VPS35L: variants seen among roughly 807,000 people sequenced by gnomAD.
VPS35L encodes VPS35 endosomal protein sorting factor like.
VPS35L carries 83 observed loss-of-function variants against 133.0 expected under a neutral mutation model. The observed-to-expected ratio is 0.62, with a 90% CI of 0.52 to 0.75. The LOEUF (loss-of-function observed/expected upper bound fraction) is 0.75. Ranked by LOEUF, VPS35L falls within the 30% of genes least tolerant of loss-of-function variation. The pLI, the probability that VPS35L is intolerant of heterozygous loss-of-function variation, is 0.00. For synonymous variants in VPS35L, 423 were observed against 449.9 expected (o/e 0.94, Z 0.76); for missense variants, 1,083 against 1,206.8 (o/e 0.90, Z 1.52).
At chr16:19,561,482 C>T (rs1265607554) in intron 1 of VPS35L, among the ~76,000 whole-genome samples, 1 of 152,214 alleles carries the variant, frequency 6.6e-6, no homozygotes, top group Non-Finnish European at 1.5e-5. Flanking sequence ...AATGAAATGA[C>T]ATGGGAGCTC....
intron 19 of VPS35L, among the ~76,000 whole-genome samples, chr16:19,635,273 A>G (rs770099504): frequency 2.0e-5 from 3 of 152,190 alleles, no homozygotes; most frequent in Admixed American, 2.0e-4. Flanking sequence ...GTTTGAGCCC[A>G]GGAGTTAGAG....
intron 1 of VPS35L, among the ~76,000 whole-genome samples, chr16:19,561,135 C>T (rs1395904851): frequency 4.6e-5 from 7 of 151,990 alleles, no homozygotes; most frequent in Admixed American, 6.6e-5. Flanking sequence ...TTTGGGAGGC[C>T]GAGGTGGGCA....
intron 4 of VPS35L, among the ~76,000 whole-genome samples, chr16:19,573,818 A>C (rs911545142): frequency 6.6e-6 from 1 of 152,156 alleles, no homozygotes; most frequent in Non-Finnish European, 1.5e-5. Context: ...ATCTCAAAAA[A>C]AATTAATTAA....
chr16:19,600,715 G>T (rs1972355978), intron 8 of VPS35L, among the ~76,000 whole-genome samples: 1 of 152,172 alleles, frequency 6.6e-6, no homozygotes, highest in Admixed American at 6.6e-5. Context: ...TAGGGACCAG[G>T]CAGGTCACAT....
At chr16:19,563,571 C>T (rs1160358662) in intron 1 of VPS35L, among the ~76,000 whole-genome samples, 8 of 152,156 alleles carry the variant, frequency 5.3e-5, no homozygotes, top group Non-Finnish European at 1.2e-4. Flanking sequence ...CTTCTCTTCA[C>T]GTTGCTTGTG....
rs1304476506 is a variant in VPS35L, at chr16:19,624,598, C to A, written c.1225-1579C>A. On this transcript the variant is annotated intron_variant, in intron 14 of 30. Coordinates refer to ENST00000417362, the MANE Select transcript of VPS35L (RefSeq NM_020314.7). ...AGACTCGTCTCTCTGTCTCAAAAAA[C>A]AAACAAACAAACAAACAAAAATACT... 2.7e-5 allele frequency among the ~76,000 whole-genome samples: 4 copies of A among 149,584 alleles called. No homozygotes were observed. In the East Asian group the frequency reaches 7.9e-4, roughly 30 times the overall value.
At chr16:19,692,260 C>A (rs1462840230) in intron 29 of VPS35L, among the ~76,000 whole-genome samples, 3 of 152,164 alleles carry the variant, frequency 2.0e-5, no homozygotes, top group African/African-American at 7.2e-5. Flanking sequence ...CTGCACCACC[C>A]CACGTCTCAT....
At chr16:19,662,117 T>C (rs1445230365) in intron 26 of VPS35L, among the ~76,000 whole-genome samples, 9 of 152,094 alleles carry the variant, frequency 5.9e-5, no homozygotes, top group Non-Finnish European at 1.3e-4. Flanking sequence ...GTGGGAGGGT[T>C]GCTCGAGCCC....
intron 4 of VPS35L, 193 bp downstream of exon 4, chr16:19,573,434 C>A: frequency 3.6e-6 from 2 of 554,784 alleles, no homozygotes; most frequent in Non-Finnish European, 5.9e-6. Context: ...GACAGGTTTC[C>A]CAAAAAAAAA....
chr16:19,636,099 T>C (rs1973614760), intron 19 of VPS35L, among the ~76,000 whole-genome samples: 2 of 150,872 alleles, frequency 1.3e-5, no homozygotes, highest in African/African-American at 4.8e-5. Context: ...GGCAGGAGGA[T>C]TGCTTGAGCC....
rs780338929 is a variant in VPS35L at position 19,647,839 on chromosome 16, C to T, written c.1985C>T (p.Ser662Leu). Residue 662 changes from serine to leucine, a missense_variant, in exon 24 of 31, where the codon TCG (serine) becomes TTG (leucine). By Grantham distance (145) the Ser-to-Leu change is moderately radical (BLOSUM62 -2). Coordinates refer to ENST00000417362, the MANE Select transcript of VPS35L (RefSeq NM_020314.7). The part of the protein sequence containing the change: ...QQLSFYVESR[S>L]MFCNLEPVLV... ...CTGAGTTTTTATGTTGAGTCCAGGT[C>T]GATGTTTTGCAATCTGGAGCCTGTT... 6.8e-6 allele frequency: 11 copies of T among 1,613,966 alleles called. No individual in the cohort carries two copies. Among genetic ancestry groups the T allele is most frequent in the South Asian group, 6.6e-5 (6 of 91,060 alleles).
At chr16:19,682,921 T>C (rs1214901994) in intron 28 of VPS35L, among the ~76,000 whole-genome samples, 2 of 151,828 alleles carry the variant, frequency 1.3e-5, no homozygotes, top group Admixed American at 1.3e-4. Context: ...GATTGATTGA[T>C]TGATTGATTG....
intron 14 of VPS35L, among the ~76,000 whole-genome samples, chr16:19,623,849 G>A (rs1034176514): frequency 2.7e-5 from 4 of 146,836 alleles, no homozygotes; most frequent in Non-Finnish European, 6.0e-5. Context: ...TGTTGCCCAG[G>A]CTGAAGTGCT....
intron 21 of VPS35L, among the ~76,000 whole-genome samples, chr16:19,641,935 T>C (rs1973800423): frequency 6.6e-6 from 1 of 152,174 alleles, no homozygotes; most frequent in Non-Finnish European, 1.5e-5. Flanking sequence ...CTGGGCCAGG[T>C]GCGGTGGCTC....
chr16:19,666,975 CCTTT>C (rs1190339337), intron 26 of VPS35L, among the ~76,000 whole-genome samples: 1 of 76,660 alleles, frequency 1.3e-5, no homozygotes, highest in Non-Finnish European at 3.1e-5. Flanking sequence ...TTCCTTTCTT[CCTTT>C]CTTTCTTTCT....
intron 3 of VPS35L, among the ~76,000 whole-genome samples, chr16:19,570,880 TA>T (rs1567388841): frequency 2.5e-4 from 22 of 87,674 alleles, no homozygotes; most frequent in East Asian, 8.2e-4. Flanking sequence ...TATATATATA[TA>T]TATATATATT....
At chr16:19,559,052 T>C (rs1306727003) in intron 1 of VPS35L, among the ~76,000 whole-genome samples, 1 of 152,150 alleles carries the variant, frequency 6.6e-6, no homozygotes, top group African/African-American at 2.4e-5. Flanking sequence ...GGTCCGATTA[T>C]GTGATTAGTA....
intron 5 of VPS35L, among the ~76,000 whole-genome samples, chr16:19,576,165 CAA>C (rs1220749191): frequency 1.4e-5 from 1 of 72,278 alleles, no homozygotes; most frequent in Non-Finnish European, 2.7e-5. Context: ...GACTCTGTCT[CAA>C]AAAAAAAAAA....
intron 29 of VPS35L, among the ~76,000 whole-genome samples, chr16:19,692,519 C>G (rs1405499906): frequency 1.3e-5 from 2 of 152,182 alleles, no homozygotes; most frequent in Non-Finnish European, 2.9e-5. Flanking sequence ...CTCTGCACTG[C>G]TACATTGCCC....
Sources: gnomAD v4.1 joint callset for allele counts (sites outside exome capture counted in the v4.1 genomes callset) on GRCh38, gnomAD v4.1.1 for gene constraint, MANE v1.5 for transcripts, NCBI Gene and HGNC (gene_info 2026-07-23, HGNC 2026-07-21) for gene names.